Variants in CPLANE1 observed in about 807,000 individuals in gnomAD.
The protein encoded by CPLANE1 is ciliogenesis and planar polarity effector 1.
A neutral mutation model predicts 362.5 loss-of-function variants in CPLANE1; 263 were observed. The observed-to-expected ratio is 0.73, with a 90% confidence interval of 0.66 to 0.80. The LOEUF (loss-of-function observed/expected upper bound fraction) is 0.80, where lower values mean the gene tolerates loss of function less well. Ranked by LOEUF, CPLANE1 falls within the 30% of genes least tolerant of loss-of-function variation. The pLI is 0.00. For missense variants in CPLANE1, 3,461 were observed against 3,793.4 expected, an observed-to-expected ratio of 0.91 and a Z score of 2.30; for synonymous variants, 1,212 against 1,302.6, an observed-to-expected ratio of 0.93 and a Z score of 1.50.
chr5:37,185,963 T>G (rs1291986058), intron 24 of CPLANE1, among the ~76,000 whole-genome samples: 1 of 152,220 alleles, frequency 6.6e-6, no homozygotes, highest in Non-Finnish European at 1.5e-5. Context: ...TACTTAATCC[T>G]CTCTGAATAC....
intron 4 of CPLANE1, 137 bp from the exon 5 acceptor site, chr5:37,244,744 C>G (rs1487155405): frequency 1.8e-5 from 11 of 627,026 alleles, no homozygotes; most frequent in Non-Finnish European, 3.0e-5. Context: ...AAGGCACTAG[C>G]AAAAAATACA....
chr5:37,108,458 C>G lies in CPLANE1; in HGVS notation c.9414G>C (p.Pro3138=). 1 of 1,613,744 alleles carries G rather than the reference C, an allele frequency of 6.2e-7. No individual in the cohort carries two copies. The highest frequency in any genetic ancestry group is 8.5e-7 in the Non-Finnish European group (1 of 1,179,906). ...TTTTTGTATGCTGCAGACTATGACA[C>G]GGAGCATTAGAGCCTTTTAAGGGAT... ...PVTFQKGSNA[P]CHSLQHTKKH... The change falls in exon 52 of 53, where the codon CCG becomes CCC. Residue 3138 remains proline, a synonymous_variant. Transcript: ENST00000651892.
At chr5:37,108,533 G>T in intron 51 of CPLANE1, 62 bp from the exon 52 acceptor site, 1 of 1,447,430 alleles carries the variant, frequency 6.9e-7, no homozygotes, top group Non-Finnish European at 9.4e-7. Context: ...TCATTCATTT[G>T]TTAATTGTGA....
At chr5:37,128,510 T>C (rs931683798) in intron 46 of CPLANE1, among the ~76,000 whole-genome samples, 1 of 152,156 alleles carries the variant, frequency 6.6e-6, no homozygotes, top group Non-Finnish European at 1.5e-5. Flanking sequence ...ACATATCCCA[T>C]GCTCATGGAT....
rs1362686289 is a variant in CPLANE1 at position 37,243,029 on chromosome 5, C to T, written c.661G>A (p.Val221Ile). 6.5e-7 allele frequency: 1 copy of T among 1,540,450 alleles called. No individual in the cohort carries two copies. Among genetic ancestry groups the T allele is most frequent in the Non-Finnish European group, 8.8e-7 (1 of 1,141,694 alleles). Residue 221 changes from valine (V) to isoleucine (I), a missense_variant, in exon 6 of 53, where the codon GTA becomes ATA. This residue lies in a region of CPLANE1 where 3,380 missense variants were observed against 3,666.1 expected (regional missense o/e 0.92). Transcript: ENST00000651892. ...TFLAIRWHEN[V>I]FTSVRSLPYH... ...TTACCTCACCTTACAGATGTAAATA[C>T]ATTCTCATGCCACCGAATTGCTAGA...
chr5:37,186,323 G>GTGAT lies in CPLANE1; in HGVS notation c.4148_4151dup (p.His1384GlnfsTer19), dbSNP rs1274196412. The GTGAT allele has an allele frequency of 6.3e-7, 1 of 1,596,988 alleles. No individual in the cohort carries two copies. Among genetic ancestry groups the GTGAT allele is most frequent in the South Asian group, 1.1e-5 (1 of 90,590 alleles). ...AGTGTCTGAGTCTCTGGTGAAGAGA[G>GTGAT]TGATATTTGTCTCTTAAAGGAACCC... On this transcript the variant is annotated frameshift_variant, in exon 24 of 53. Transcript: ENST00000651892.
intron 46 of CPLANE1, 49 bp from the exon 47 acceptor site, chr5:37,125,458 C>T: frequency 1.3e-6 from 2 of 1,554,868 alleles, no homozygotes; most frequent in African/African-American, 2.7e-5. Flanking sequence ...ATTTGTTAAG[C>T]AGATAAGATA....
chr5:37,215,860 C>A (rs1219199697), intron 15 of CPLANE1, among the ~76,000 whole-genome samples: 2 of 147,312 alleles, frequency 1.4e-5, no homozygotes, highest in African/African-American at 5.0e-5. Context: ...GAGAAAGAAT[C>A]CTGCTCTGTC....
At chr5:37,186,976 G>C (rs1195992472) in intron 23 of CPLANE1, among the ~76,000 whole-genome samples, 3 of 148,144 alleles carry the variant, frequency 2.0e-5, no homozygotes, top group Non-Finnish European at 4.4e-5. Flanking sequence ...CAGGAGAATG[G>C]CGTGAACCCG....
chr5:37,247,557 C>A, intron 2 of CPLANE1, 61 bp downstream of exon 2: 1 of 1,409,388 alleles, frequency 7.1e-7, no homozygotes, highest in Non-Finnish European at 9.7e-7. Context: ...TCCTATATTA[C>A]AGGCAAAACA....
intron 6 of CPLANE1, 37 bp downstream of exon 6, chr5:37,242,976 A>G (rs1800903826): frequency 7.0e-7 from 1 of 1,430,080 alleles, no homozygotes; most frequent in African/African-American, 1.5e-5. Flanking sequence ...AGAAAAAAAA[A>G]TCAGTAAGAA....
intron 52 of CPLANE1, 144 bp from the exon 53 acceptor site, chr5:37,107,922 A>T: frequency 1.5e-6 from 2 of 1,333,328 alleles, no homozygotes; most frequent in Non-Finnish European, 2.0e-6. Flanking sequence ...ATGTGCCAGG[A>T]AATAGGGCTG....
At chr5:37,186,552 T>C (rs983560719) in intron 23 of CPLANE1, among the ~76,000 whole-genome samples, 158 bp from the exon 24 acceptor site, 7 of 152,254 alleles carry the variant, frequency 4.6e-5, no homozygotes, top group Middle Eastern at 3.2e-3. Flanking sequence ...TGTCTGCTAA[T>C]AGGAGTTTAG....
intron 48 of CPLANE1, among the ~76,000 whole-genome samples, chr5:37,122,009 A>G (rs1209899234): frequency 6.6e-6 from 1 of 151,984 alleles, no homozygotes; most frequent in African/African-American, 2.4e-5. Flanking sequence ...GCTCCCGAGT[A>G]GCTGGGATTA....
chr5:37,190,559 T>C lies in CPLANE1; in HGVS notation c.3812-2717A>G, dbSNP rs148275565. 2.1e-4 allele frequency among the ~76,000 whole-genome samples: 32 copies of C among 152,234 alleles called. 1 individual carries two copies. Among genetic ancestry groups the C allele is most frequent in the African/African-American group, 6.5e-4 (27 of 41,558 alleles). ...CACTATAAAAAGAGAAAGATTTATA[T>C]ATCAACCAAAATGCAATGTGTGGTG... On this transcript the variant is annotated intron_variant, in intron 21 of 52. Coordinates refer to ENST00000651892, the MANE Select transcript of CPLANE1 (RefSeq NM_001384732.1).
At chr5:37,088,645 C>A in the CPLANE1 span, among the ~76,000 whole-genome samples, 1 of 152,236 alleles carries the variant, frequency 6.6e-6, no homozygotes, top group Non-Finnish European at 1.5e-5. Flanking sequence ...CCGCTCGCAA[C>A]TGGGGCAATG....
chr5:37,243,323 T>C (rs1466581046), intron 5 of CPLANE1, among the ~76,000 whole-genome samples: 1 of 152,132 alleles, frequency 6.6e-6, no homozygotes, highest in African/African-American at 2.4e-5. Flanking sequence ...CAGGTTGTAG[T>C]TTATGCTCTT....
chr5:37,108,732 G>T (rs1487804502), intron 51 of CPLANE1, among the ~76,000 whole-genome samples: 1 of 152,172 alleles, frequency 6.6e-6, no homozygotes, highest in South Asian at 2.1e-4. Context: ...AGGGAGGAGA[G>T]GCCACAGATA....
At chr5:37,239,913 T>G (rs1259039484) in intron 6 of CPLANE1, 44 bp from the exon 7 acceptor site, 5 of 1,348,924 alleles carry the variant, frequency 3.7e-6, no homozygotes, top group Non-Finnish European at 4.9e-6. Flanking sequence ...GTATAGTAAC[T>G]TTTAAATTTA....
Sources: allele counts gnomAD v4.1 joint callset (sites outside exome capture counted in the v4.1 genomes callset), GRCh38; gene constraint gnomAD v4.1.1; regional missense constraint gnomAD v4.1.1; transcripts MANE v1.5; gene names NCBI Gene and HGNC (gene_info 2026-07-23, HGNC 2026-07-21).